Variants in USP16 observed in about 807,000 individuals in gnomAD.
The protein encoded by USP16 is ubiquitin specific peptidase 16.
A neutral mutation model predicts 95.9 loss-of-function variants in USP16; 77 were observed. The ratio of observed to expected loss-of-function variants is 0.80; its 90% CI spans 0.67 to 0.97. The LOEUF (loss-of-function observed/expected upper bound fraction) is 0.97. Ranked by LOEUF, USP16 falls within the 50% of genes least tolerant of loss-of-function variation. USP16 has a pLI of 0.00. For missense variants in USP16, 943 were observed against 959.9 expected (o/e 0.98, Z 0.23); for synonymous variants, 303 against 318.2 (o/e 0.95, Z 0.51).
chr21:29,047,243 A>G lies in USP16; in HGVS notation c.1933A>G (p.Lys645Glu), dbSNP rs758990355. 4.3e-6 allele frequency: 7 copies of G among 1,614,068 alleles called. No individual in the cohort carries two copies. In the Admixed American group the frequency reaches 1.2e-4, roughly 27 times the overall value. ...TTTATATCAGTTCACCCGTAATGAGAAACTTCGAGATGCGAATAAACTGCT... is the reference window on the plus strand; with the variant it reads ...TTTATATCAGTTCACCCGTAATGAGGAACTTCGAGATGCGAATAAACTGCT... ...HCLYQFTRNE[K>E]LRDANKLLCE... The change falls in exon 14 of 18, where the codon AAA becomes GAA. Residue 645 changes from lysine (K) to glutamate (E), a missense_variant. Transcript: ENST00000399976.
At chr21:29,040,947 T>A (rs1389875148) in intron 10 of USP16, among the ~76,000 whole-genome samples, 4 of 152,216 alleles carry the variant, frequency 2.6e-5, no homozygotes, top group Non-Finnish European at 5.9e-5. Flanking sequence ...TTAGCAGTAA[T>A]ACATGAATTA....
intron 16 of USP16, 86 bp from the exon 17 acceptor site, chr21:29,053,716 C>A: frequency 1.4e-6 from 2 of 1,382,936 alleles, no homozygotes; most frequent in South Asian, 1.3e-5. Context: ...GGTTAAAGAC[C>A]CTTTGCATAG....
chr21:29,033,294 G>A (rs1378989072), intron 3 of USP16, among the ~76,000 whole-genome samples: 1 of 152,140 alleles, frequency 6.6e-6, no homozygotes, highest in Admixed American at 6.5e-5. Context: ...AAATGATGTT[G>A]TAATTTTCAA....
rs1351032301 is a variant in USP16, at chr21:29,024,829, C to T, written c.-42+52C>T. The T allele has an allele frequency of 4.0e-6, 5 of 1,243,558 alleles. No homozygotes were observed. The African/African-American group carries it at 6.2e-5, about 15-fold the overall frequency. 77.0% of individuals were successfully genotyped at this position (1,243,558 alleles called of 1,614,324 possible). On this transcript the variant is annotated intron_variant, in intron 1 of 17. Transcript: ENST00000399976. The stretch of plus-strand genomic sequence containing the variant: ...GTCGTCGCTCGCCTGGCTTTCTGCG[C>T]TGGGAGAGCTCCTGTTTTCCGCCCC...
In USP16 at chr21:29,043,448, A is replaced by G. The variant is rs1431837813; in HGVS notation, c.1205A>G (p.Lys402Arg). 3 of 1,547,628 alleles carry G rather than the reference A, an allele frequency of 1.9e-6. No individual in the cohort carries two copies. The highest frequency in any genetic ancestry group is 2.2e-5 in the Admixed American group (1 of 46,426). The change falls in exon 13 of 18, where the codon AAA (lysine) becomes AGA (arginine). Residue 402 changes from lysine to arginine, a missense_variant. By Grantham distance (26) the Lys-to-Arg change is conservative (BLOSUM62 2). Coordinates refer to ENST00000399976, the MANE Select transcript of USP16 (RefSeq NM_006447.3). ...AGTGGTAAGAAAAGTGTAAATGATA[A>G]AAATCTGAAAAAGACAGTGGAGGAT... is the stretch of plus-strand genomic sequence containing the variant. Reference protein sequence around the residue: ...DQSGKKSVNDKNLKKTVEDED... With the variant: ...DQSGKKSVNDRNLKKTVEDED...
intron 1 of USP16, among the ~76,000 whole-genome samples, chr21:29,025,225 G>T (rs1441458075): frequency 6.6e-6 from 1 of 152,174 alleles, no homozygotes; most frequent in African/African-American, 2.4e-5. Context: ...TGAAAGCCAC[G>T]TTAACACCTG....
At chr21:29,025,399 G>A (rs1002952402) in intron 1 of USP16, among the ~76,000 whole-genome samples, 3 of 152,204 alleles carry the variant, frequency 2.0e-5, no homozygotes, top group Non-Finnish European at 4.4e-5. Context: ...TCACTAAGAC[G>A]TTAATGCTCA....
intron 16 of USP16, among the ~76,000 whole-genome samples, chr21:29,051,079 G>T (rs906342500): frequency 2.6e-5 from 4 of 152,154 alleles, no homozygotes; most frequent in Admixed American, 2.6e-4. Flanking sequence ...GTAAGGTGAG[G>T]CAGAGGCCTT....
At chr21:29,025,157 A>G (rs1341415466) in intron 1 of USP16, among the ~76,000 whole-genome samples, 2 of 152,206 alleles carry the variant, frequency 1.3e-5, no homozygotes, top group African/African-American at 4.8e-5. Flanking sequence ...TAGGAAAAGC[A>G]GGATCTGTCA....
rs765023521 is a variant in USP16, at chr21:29,040,668, A to T, written c.1011A>T (p.Glu337Asp). 2.6e-6 allele frequency: 4 copies of T among 1,539,508 alleles called. No homozygotes were observed. The East Asian group carries it at 9.2e-5, about 36-fold the overall frequency. ...FGNSTEKLDE[E>D]LKNKVKDYEK... ...ATTCTACTGAAAAGTTGGATGAAGAACTAAAAAATAAAGTTAAAGGTAATG... is the reference window on the plus strand; with the variant it reads ...ATTCTACTGAAAAGTTGGATGAAGATCTAAAAAATAAAGTTAAAGGTAATG... Residue 337 changes from glutamate (E) to aspartate (D), a missense_variant, in exon 10 of 18, where the codon GAA becomes GAT. Glu to Asp is a conservative substitution (Grantham distance 45, BLOSUM62 2). Transcript: ENST00000399976.
Position 29,036,387 on chromosome 21 carries a change from G to GTT in USP16, c.448+15_448+16dup, listed in dbSNP as rs2085157116. 6.2e-7 allele frequency: 1 copy of GTT among 1,610,948 alleles called. No individual in the cohort carries two copies. The highest frequency in any genetic ancestry group is 1.1e-5 in the South Asian group (1 of 90,760). On this transcript the variant is annotated intron_variant, in intron 5 of 17. Coordinates refer to ENST00000399976, the MANE Select transcript of USP16 (RefSeq NM_006447.3). ...ACTCCAAAGCCAGGTAAAATAATTT[G>GTT]TTTCTTTAATATACACCAAATGTCG...
chr21:29,041,114 A>T (rs748865024), intron 10 of USP16, among the ~76,000 whole-genome samples: 12 of 152,174 alleles, frequency 7.9e-5, no homozygotes. Context: ...TATAGAAGCA[A>T]CTAGGCACGT....
rs1345146873 is a variant in USP16, at chr21:29,024,748, G to A, written c.-71G>A. ...GCTGCCCAGCCCAAAGGCCCATGAG[G>A]GGATGCAGTTATGGGCTCTGTCGCC... On this transcript the variant is annotated 5_prime_UTR_variant, in exon 1 of 18. Coordinates refer to ENST00000399976, the MANE Select transcript of USP16 (RefSeq NM_006447.3). 4.7e-6 allele frequency: 6 copies of A among 1,289,242 alleles called. No individual in the cohort carries two copies. The highest frequency in any genetic ancestry group is 6.1e-6 in the Non-Finnish European group (6 of 988,842). The allele number at this position is 1,289,242 out of a possible 1,614,324, so 79.9% of individuals were successfully genotyped here. A position where few individuals can be genotyped will look rare whatever the true frequency, so the allele number is the denominator to read the frequency against.
chr21:29,043,384 T>C (rs1202546116), intron 12 of USP16, 39 bp from the exon 13 acceptor site: 7 of 1,339,904 alleles, frequency 5.2e-6, no homozygotes, highest in Non-Finnish European at 6.8e-6. Flanking sequence ...ATGGTAGTTG[T>C]AAAATTTTGT....
At position 29,027,968 on chromosome 21, in the gene USP16, A is replaced by G. The variant is rs765698785; in HGVS notation, c.55A>G (p.Thr19Ala). The change falls in exon 2 of 18, where the codon ACT becomes GCT. Residue 19 changes from threonine (T) to alanine (A), a missense_variant. Coordinates refer to ENST00000399976, the MANE Select transcript of USP16 (RefSeq NM_006447.3). ...KTVPIDDSSE[T>A]LEPVCRHIRK... ...TGTTCCAATCGATGATTCCTCTGAA[A>G]CTTTAGGTATATTTCATTGATTGAA... The G allele has an allele frequency of 2.5e-6, 4 of 1,611,146 alleles. No homozygotes were observed. Among genetic ancestry groups the G allele is most frequent in the Non-Finnish European group, 3.4e-6 (4 of 1,177,672 alleles).
At chr21:29,030,803 A>G in intron 3 of USP16, 30 bp downstream of exon 3, 3 of 1,572,656 alleles carry the variant, frequency 1.9e-6, no homozygotes, top group Non-Finnish European at 2.6e-6. Context: ...TCAATATGGG[A>G]TTTTAGAAAA....
At chr21:29,029,382 C>T (rs943688286) in intron 2 of USP16, among the ~76,000 whole-genome samples, 8 of 152,090 alleles carry the variant, frequency 5.3e-5, no homozygotes, top group Non-Finnish European at 1.0e-4. Context: ...CACTGCACTC[C>T]AGCCTGGGCA....
At position 29,030,699 on chromosome 21, in the gene USP16, A is replaced by G. The variant is rs1426919090; in HGVS notation, c.166A>G (p.Lys56Glu). The change falls in exon 3 of 18, where the codon AAA (lysine) becomes GAA (glutamate). Residue 56 changes from lysine to glutamate, a missense_variant. By Grantham distance (56) the Lys-to-Glu change is moderately conservative. Coordinates refer to ENST00000399976, the MANE Select transcript of USP16 (RefSeq NM_006447.3). ...CTGCCAAGACTGTAAGACTGACAAT[A>G]AAGTGAAAGATAAAGCTGAAGAAGA... ...NICQDCKTDNKVKDKAEEETE... is the reference protein window; with the variant it reads ...NICQDCKTDNEVKDKAEEETE... The G allele has an allele frequency of 1.9e-6, 3 of 1,613,914 alleles. No homozygotes were observed. The highest frequency in any genetic ancestry group is 1.3e-5 in the African/African-American group (1 of 74,936).
rs773166134 is a variant in USP16, at chr21:29,024,678, C to G, written c.-141C>G. ...TGCTTTCCAGGGGTCACTCTGGCTT[C>G]GACTCCGTCGCTCTCAATTCGTCAC... On this transcript the variant is annotated 5_prime_UTR_variant, in exon 1 of 18. Transcript: ENST00000399976. The G allele has an allele frequency of 3.1e-6, 4 of 1,285,238 alleles. No individual in the cohort carries two copies. The highest frequency in any genetic ancestry group is 1.2e-5 in the South Asian group (1 of 80,960). The allele number at this position is 1,285,238 out of a possible 1,614,324, so 79.6% of individuals were successfully genotyped here. A position where few individuals can be genotyped will look rare whatever the true frequency, so the allele number is the denominator to read the frequency against.
Sources: allele counts gnomAD v4.1 joint callset (sites outside exome capture counted in the v4.1 genomes callset), GRCh38; gene constraint gnomAD v4.1.1; transcripts MANE v1.5; gene names NCBI Gene and HGNC (gene_info 2026-07-23, HGNC 2026-07-21).